The following ITGA7 variants were observed in gnomAD, a reference collection of about 807,000 sequenced individuals.
The protein encoded by ITGA7 is integrin alpha-7.
In ITGA7, 84 loss-of-function variants were observed where a neutral mutation model predicts 131.6. That is an observed-to-expected ratio of 0.64 (90% confidence interval 0.54 to 0.77). ITGA7 has a LOEUF of 0.77. Among genes scored for constraint, ITGA7 ranks in the 30% least tolerant of loss-of-function variants. The pLI, the probability that ITGA7 is intolerant of heterozygous loss-of-function variation, is 0.00. For synonymous variants in ITGA7, 548 were observed against 600.7 expected (o/e 0.91, Z 1.28); for missense variants, 1,399 against 1,482.9 (o/e 0.94, Z 0.93).
At position 55,698,811 on chromosome 12, in the gene ITGA7, C is replaced by T. The variant is rs754552011; in HGVS notation, c.897G>A (p.Lys299=). The change falls in exon 6 of 25, where the codon AAG becomes AAA. Residue 299 remains lysine (K), a synonymous_variant. Transcript: ENST00000257879. The part of the protein sequence containing the change: ...NHKGAVVILR[K]DSASRLVPEV... ...CGGGCACCAGGCGACTGGCGCTGTC[C>T]TTGCGCAGGATGACCACAGCACCCT... 3 of 1,613,992 alleles carry T rather than the reference C, an allele frequency of 1.9e-6. No individual in the cohort carries two copies. Among genetic ancestry groups the T allele is most frequent in the Admixed American group, 1.7e-5 (1 of 60,002 alleles).
chr12:55,710,157 T>C (rs1036458814), upstream of ITGA7, among the ~76,000 whole-genome samples: 1 of 151,946 alleles, frequency 6.6e-6, no homozygotes, highest in Admixed American at 6.6e-5. Context: ...GATCAGAAGT[T>C]CAAGACCAGC....
upstream of ITGA7, among the ~76,000 whole-genome samples, chr12:55,713,457 C>G (rs188221063): frequency 1.3e-5 from 2 of 152,202 alleles, no homozygotes; most frequent in African/African-American, 4.8e-5. Context: ...AAGACTCAGG[C>G]TCTGGAGTCA....
At position 55,688,839 on chromosome 12, in the gene ITGA7, C is replaced by G. The variant is rs191213131; in HGVS notation, c.2958+5G>C. On this transcript the variant is annotated splice_donor_5th_base_variant and intron_variant, in intron 22 of 24. Transcript: ENST00000257879. Reference sequence around the variant, plus strand: ...ACACAGACTAGAGCCGAGTGGTATCCTCACCTCCAGAAAGGTGCTGTTCCA... The same window carrying G: ...ACACAGACTAGAGCCGAGTGGTATCGTCACCTCCAGAAAGGTGCTGTTCCA... 65 of 1,609,056 alleles carry G rather than the reference C, an allele frequency of 4.0e-5. 1 individual carries two copies. The East Asian group carries it at 1.1e-3, about 28-fold the overall frequency.
chr12:55,716,095 G>A, upstream of ITGA7: 4 of 1,593,554 alleles, frequency 2.5e-6, no homozygotes, highest in Middle Eastern at 1.7e-4. Flanking sequence ...TTCCGGAGCC[G>A]GAGGGGGCCC....
At position 55,697,254 on chromosome 12, in the gene ITGA7, C is replaced by T. The variant is rs1294485292; in HGVS notation, c.1529G>A (p.Ser510Asn). The T allele has an allele frequency of 1.3e-6, 2 of 1,598,018 alleles. No individual in the cohort carries two copies. The highest frequency in any genetic ancestry group is 1.7e-4 in the Middle Eastern group (1 of 6,038). ...SVCVDLRVCF[S>N]YIAVPSSYSP... ...ATAGCTGCTGGGGACTGCAATGTAG[C>T]TGAAACAGACCCTTAGGTCCACACT... The change falls in exon 11 of 25, where the codon AGC becomes AAC. Residue 510 changes from serine to asparagine, a missense_variant. Coordinates refer to ENST00000257879, the MANE Select transcript of ITGA7 (RefSeq NM_002206.3).
chr12:55,698,206 C>T lies in ITGA7; in HGVS notation c.1192+177G>A, dbSNP rs1049881586. On this transcript the variant is annotated intron_variant, in intron 7 of 24. Transcript: ENST00000257879. ...GGCCACTCCCTGCAGATATTACTAA[C>T]GCAAAAAGGTTAGGAACTTGCCAAG... 13 of 832,526 alleles carry T rather than the reference C, an allele frequency of 1.6e-5. No homozygotes were observed. In the Admixed American group the frequency reaches 1.8e-4, roughly 11 times the overall value. The allele number at this position is 832,526 out of a possible 1,614,324, so 51.6% of individuals were successfully genotyped here.
In ITGA7 at chr12:55,684,926, G is replaced by C; in HGVS notation, c.*132C>G. 1.4e-6 allele frequency: 1 copy of C among 715,092 alleles called. No individual in the cohort carries two copies. Among genetic ancestry groups the C allele is most frequent in the Non-Finnish European group, 2.3e-6 (1 of 441,026 alleles). 44.3% of individuals were successfully genotyped at this position (715,092 alleles called of 1,614,324 possible). On this transcript the variant is annotated 3_prime_UTR_variant, in exon 25 of 25. Coordinates refer to ENST00000257879, the MANE Select transcript of ITGA7 (RefSeq NM_002206.3). ...GAGTTCTTGTGGGTGGGAGAGGTCT[G>C]TGCCCCTGAGGAAGCCGATCCTGCC... is the stretch of plus-strand genomic sequence containing the variant.
At chr12:55,688,722 C>CAAAA in intron 22 of ITGA7, 122 bp downstream of exon 22, 2 of 615,966 alleles carry the variant, frequency 3.2e-6, no homozygotes, top group African/African-American at 2.4e-5. Context: ...GACTCCGTCT[C>CAAAA]AAAAAAAAAA....
chr12:55,702,837 C>G, intron 3 of ITGA7, 35 bp downstream of exon 3: 1 of 1,521,360 alleles, frequency 6.6e-7, no homozygotes, highest in Non-Finnish European at 9.1e-7. Flanking sequence ...ACACACACCC[C>G]ATCCGTGCAT....
intron 1 of ITGA7, 85 bp downstream of exon 1, chr12:55,707,392 C>CA (rs1875426979): frequency 3.6e-6 from 4 of 1,113,662 alleles, no homozygotes; most frequent in South Asian, 1.3e-5. Context: ...GGCTAGAAAA[C>CA]AGAGAAATGA....
At chr12:55,692,694 A>G in intron 21 of ITGA7, 150 bp downstream of exon 21, 4 of 978,476 alleles carry the variant, frequency 4.1e-6, no homozygotes, top group Non-Finnish European at 6.2e-6. Context: ...CTGCAGTGTC[A>G]GTAGCTGCCT....
rs373893563 is a variant in ITGA7 at position 55,685,168 on chromosome 12, T to G, written c.3304A>C (p.Asn1102His). 1.2e-6 allele frequency: 2 copies of G among 1,613,972 alleles called. No homozygotes were observed. Among genetic ancestry groups the G allele is most frequent in the African/African-American group, 2.7e-5 (2 of 74,942 alleles). The stretch of plus-strand genomic sequence containing the variant: ...TCCCGCCGGGGGCTGCCCCAGTTGT[T>G]CCTCAGGATGGTGCCCGTCTTCTCC... ...KEEKTGTILR[N>H]NWGSPRREGP... Residue 1102 changes from asparagine to histidine, a missense_variant, in exon 25 of 25, where the codon AAC becomes CAC. Coordinates refer to ENST00000257879, the MANE Select transcript of ITGA7 (RefSeq NM_002206.3).
chr12:55,714,517 C>CAAAAAA (rs35046301), upstream of ITGA7, among the ~76,000 whole-genome samples: 11 of 120,468 alleles, frequency 9.1e-5, 1 homozygote, highest in African/African-American at 4.2e-4. Context: ...GACTCCGTCT[C>CAAAAAA]AAAAAAAAAA....
chr12:55,686,385 T>C (rs991517101), intron 24 of ITGA7: 50 of 897,518 alleles, frequency 5.6e-5, no homozygotes, highest in Non-Finnish European at 7.4e-5. Flanking sequence ...CAGGATCCCC[T>C]ATCTCTGCTC....
chr12:55,711,089 G>A (rs1348303810), upstream of ITGA7, among the ~76,000 whole-genome samples: 1 of 152,198 alleles, frequency 6.6e-6, no homozygotes, highest in Non-Finnish European at 1.5e-5. Flanking sequence ...TTTTGGTTTT[G>A]ATTTTATGCT....
intron 1 of ITGA7, among the ~76,000 whole-genome samples, chr12:55,703,459 C>A (rs1874533856): frequency 6.6e-6 from 1 of 151,932 alleles, no homozygotes; most frequent in Admixed American, 6.6e-5. Context: ...CCAACCCAAG[C>A]AGCCAGGCCA....
At chr12:55,696,203 G>A in intron 13 of ITGA7, 80 bp downstream of exon 13, 1 of 1,436,174 alleles carries the variant, frequency 7.0e-7, no homozygotes, top group Non-Finnish European at 9.5e-7. Flanking sequence ...TGTGAGCTGT[G>A]AATTGGTGTC....
At chr12:55,708,375 C>A (rs1474273123), upstream of ITGA7, among the ~76,000 whole-genome samples, 1 of 152,128 alleles carries the variant, frequency 6.6e-6, no homozygotes, top group Non-Finnish European at 1.5e-5. Flanking sequence ...ATAGAGCACT[C>A]TTTCTGCTGT....
At chr12:55,707,971 C>A (rs567326948), upstream of ITGA7, 252 of 1,300,002 alleles carry the variant, frequency 1.9e-4, 1 homozygote, top group African/African-American at 3.5e-3. Context: ...CCCTCGCTCC[C>A]GCGGCAGGTG....
Sources: allele counts gnomAD v4.1 joint callset (sites outside exome capture counted in the v4.1 genomes callset), GRCh38; gene constraint gnomAD v4.1.1; transcripts MANE v1.5; gene names NCBI Gene and HGNC (gene_info 2026-07-23, HGNC 2026-07-21).